The following WLS variants were observed in gnomAD, a reference collection of about 807,000 sequenced individuals.
WLS encodes the protein Wnt ligand secretion mediator.
A neutral mutation model predicts 62.8 loss-of-function variants in WLS; 23 were observed. The ratio of observed to expected loss-of-function variants is 0.37; its 90% CI spans 0.26 to 0.52. The LOEUF is 0.52. Among genes scored for constraint, WLS ranks in the 20% least tolerant of loss-of-function variants. The pLI is 0.92. For synonymous variants in WLS, 246 were observed against 244.1 expected, an observed-to-expected ratio of 1.01 and a Z score of -0.07; for missense variants, 615 against 697.3, an observed-to-expected ratio of 0.88 and a Z score of 1.33.
chr1:68,116,929 T>G (rs1646300308), intron 11 of WLS, among the ~76,000 whole-genome samples: 1 of 152,194 alleles, frequency 6.6e-6, no homozygotes, highest in East Asian at 1.9e-4. Context: ...CCTGAGCCAG[T>G]TAGGGAAATA....
At chr1:68,125,250 C>CCAAA (rs1161812118), downstream of WLS, 2 of 905,936 alleles carry the variant, frequency 2.2e-6, no homozygotes, top group Admixed American at 1.2e-4. Context: ...GGTATTATCC[C>CCAAA]CAAACACTTT....
Position 68,163,966 on chromosome 1 carries a change from A to C in WLS, c.380-4719T>G, listed in dbSNP as rs529253735. On this transcript the variant is annotated intron_variant, in intron 2 of 11. Transcript: ENST00000262348. ...GCTTTTCTACGGTGGCTTAAAGCTG[A>C]CATGGCAGCATGGCAGATCCCTGGT... is the stretch of plus-strand genomic sequence containing the variant. Among the ~76,000 whole-genome samples the C allele has an allele frequency of 2.6e-5, 4 of 152,320 alleles. No individual in the cohort carries two copies. The East Asian group carries it at 7.7e-4, about 29-fold the overall frequency.
At chr1:68,135,848 C>T (rs930204359) in intron 11 of WLS, among the ~76,000 whole-genome samples, 2 of 152,198 alleles carry the variant, frequency 1.3e-5, no homozygotes, top group Non-Finnish European at 2.9e-5. Flanking sequence ...TGAATGCTCC[C>T]ATTTTCCACA....
chr1:68,126,416 T>G, intron 11 of WLS, 81 bp from the exon 12 acceptor site: 1 of 1,560,600 alleles, frequency 6.4e-7, no homozygotes, highest in Non-Finnish European at 8.7e-7. Context: ...ACAACTGCCC[T>G]GATGCTAGCC....
chr1:68,153,418 CA>C, intron 5 of WLS, 98 bp downstream of exon 5: 1 of 1,531,658 alleles, frequency 6.5e-7, no homozygotes, highest in East Asian at 2.3e-5. Flanking sequence ...TGGCCTAAGT[CA>C]CACACTGGCT....
At chr1:68,219,611 A>G (rs1649864194) in intron 1 of WLS, among the ~76,000 whole-genome samples, 1 of 152,156 alleles carries the variant, frequency 6.6e-6, no homozygotes, top group African/African-American at 2.4e-5. Flanking sequence ...GCATTCATCT[A>G]TTCACCTCTT....
At chr1:68,190,008 C>CA (rs900922609) in intron 2 of WLS, among the ~76,000 whole-genome samples, 1 of 151,630 alleles carries the variant, frequency 6.6e-6, no homozygotes, top group African/African-American at 2.4e-5. Flanking sequence ...GACTCCGTCT[C>CA]AAAAAAAATA....
downstream of WLS, among the ~76,000 whole-genome samples, chr1:68,124,564 C>T (rs150969451): frequency 3.3e-5 from 5 of 152,238 alleles, no homozygotes; most frequent in Non-Finnish European, 5.9e-5. Flanking sequence ...TCTTCTGGGA[C>T]AGGAGTTCCC....
At chr1:68,219,688 A>G (rs1649866869) in intron 1 of WLS, among the ~76,000 whole-genome samples, 1 of 152,234 alleles carries the variant, frequency 6.6e-6, no homozygotes, top group Admixed American at 6.5e-5. Context: ...TGAGTATATT[A>G]GACCATCATT....
At chr1:68,126,889 T>C (rs1410264443) in intron 11 of WLS, among the ~76,000 whole-genome samples, 1 of 152,124 alleles carries the variant, frequency 6.6e-6, no homozygotes, top group Non-Finnish European at 1.5e-5. Context: ...ACATTTGCTA[T>C]GAATAATTTA....
chr1:68,145,745 A>G, intron 9 of WLS, 124 bp downstream of exon 9: 1 of 1,469,754 alleles, frequency 6.8e-7, no homozygotes, highest in Non-Finnish European at 9.1e-7. Flanking sequence ...GAGATCCTAC[A>G]TGAGAATCTC....
At chr1:68,193,424 A>C (rs1648465045) in intron 2 of WLS, among the ~76,000 whole-genome samples, 13 of 136,024 alleles carry the variant, frequency 9.6e-5, no homozygotes, top group African/African-American at 4.0e-4. Context: ...AAAAAAAAAA[A>C]AAAAAAAAAA....
chr1:68,111,622 C>T (rs984711000), intron 11 of WLS, among the ~76,000 whole-genome samples: 1 of 152,150 alleles, frequency 6.6e-6, no homozygotes, highest in African/African-American at 2.4e-5. Flanking sequence ...GAGAAACATC[C>T]TCTCTATAAC....
chr1:68,225,409 C>G lies in WLS; in HGVS notation c.106+6785G>C, dbSNP rs561082239. ...TACGGGCACTTTCTCTAGAACTGTGCAGAGCTGGCACATTTATTAGGCCAC... is the reference window on the plus strand; with the variant it reads ...TACGGGCACTTTCTCTAGAACTGTGGAGAGCTGGCACATTTATTAGGCCAC... On this transcript the variant is annotated intron_variant, in intron 1 of 11. Transcript: ENST00000262348. Among the ~76,000 whole-genome samples the G allele has an allele frequency of 1.1e-4, 16 of 152,178 alleles. No homozygotes were observed. The East Asian group carries it at 3.1e-3, about 29-fold the overall frequency.
intron 4 of WLS, among the ~76,000 whole-genome samples, chr1:68,154,054 G>A (rs1000396983): frequency 8.6e-5 from 13 of 151,978 alleles, no homozygotes; most frequent in African/African-American, 2.9e-4. Flanking sequence ...TTAGAGGTAC[G>A]GATTAATAGG....
In WLS at chr1:68,150,206, G is replaced by A; in HGVS notation, c.954C>T (p.Phe318=). The change falls in exon 6 of 12, where the codon TTC becomes TTT. Residue 318 remains phenylalanine, a synonymous_variant. Coordinates refer to ENST00000262348, the MANE Select transcript of WLS (RefSeq NM_024911.7). The part of the protein sequence containing the change: ...YAMLLSFWII[F]CGEHMMDQHE... ...CTCTTACCATCATGTGCTCGCCACA[G>A]AAGATGATCCAGAAGGACAGAAGCA... 6.2e-7 allele frequency: 1 copy of A among 1,614,206 alleles called. No homozygotes were observed. The highest frequency in any genetic ancestry group is 8.5e-7 in the Non-Finnish European group (1 of 1,180,046).
chr1:68,159,802 CT>C, intron 2 of WLS, among the ~76,000 whole-genome samples: 1 of 152,336 alleles, frequency 6.6e-6, no homozygotes, highest in Non-Finnish European at 1.5e-5. Flanking sequence ...GGATTTGCTA[CT>C]TTTCCAAAAG....
chr1:68,226,959 A>G (rs1430753), intron 1 of WLS, among the ~76,000 whole-genome samples: 115,533 of 152,110 alleles, frequency 0.76, 44,434 homozygotes, highest in East Asian at 0.89. Context: ...CTGAAGTCTC[A>G]ATCTGGGTTT....
chr1:68,219,342 CTA>C (rs1282949551), intron 1 of WLS, among the ~76,000 whole-genome samples: 1 of 152,206 alleles, frequency 6.6e-6, no homozygotes, highest in Non-Finnish European at 1.5e-5. Flanking sequence ...TTATTTCTCA[CTA>C]TGTCTTCCTT....
Sources: allele counts gnomAD v4.1 joint callset (sites outside exome capture counted in the v4.1 genomes callset), GRCh38; gene constraint gnomAD v4.1.1; transcripts MANE v1.5; gene names NCBI Gene and HGNC (gene_info 2026-07-23, HGNC 2026-07-21).